DLG2: variants seen among roughly 807,000 people sequenced by gnomAD.
DLG2 encodes the protein discs large MAGUK scaffold protein 2.
DLG2 carries 45 observed loss-of-function variants against 132.5 expected under a neutral mutation model. The ratio of observed to expected loss-of-function variants is 0.34; its 90% CI spans 0.27 to 0.44. The LOEUF (loss-of-function observed/expected upper bound fraction) is 0.44, where lower values mean the gene tolerates loss of function less well. Ranked by LOEUF, DLG2 falls within the 20% of genes least tolerant of loss-of-function variation. The pLI, the probability that DLG2 is intolerant of heterozygous loss-of-function variation, is 1.00. For missense variants in DLG2, 1,045 were observed against 1,196.9 expected, an observed-to-expected ratio of 0.87 and a Z score of 1.87; for synonymous variants, 424 against 419.6, an observed-to-expected ratio of 1.01 and a Z score of -0.13.
chr11:83,499,852 GATATATATATATATATAT>G (rs60890814), intron 21 of DLG2, among the ~76,000 whole-genome samples: 3,572 of 61,690 alleles, frequency 0.058, 125 homozygotes, highest in Middle Eastern at 0.093. Context: ...ACTAATAGGA[GATATATATATATATATAT>G]ATATATATAT....
At chr11:84,069,355 C>T (rs1480610996) in intron 10 of DLG2, among the ~76,000 whole-genome samples, 1 of 152,180 alleles carries the variant, frequency 6.6e-6, no homozygotes, top group Non-Finnish European at 1.5e-5. Context: ...CCCAACCCCT[C>T]TATTTGCAGC....
chr11:85,211,026 T>C (rs547843085), intron 4 of DLG2, among the ~76,000 whole-genome samples: 1 of 152,258 alleles, frequency 6.6e-6, no homozygotes, highest in South Asian at 2.1e-4. Context: ...AATAATACAA[T>C]AAAACTTATA....
At chr11:84,264,537 G>T (rs918441181) in intron 7 of DLG2, among the ~76,000 whole-genome samples, 1 of 152,102 alleles carries the variant, frequency 6.6e-6, no homozygotes, top group Non-Finnish European at 1.5e-5. Flanking sequence ...TGAAAGAGAA[G>T]GAGCACAGGG....
chr11:85,049,333 C>T (rs528192849), intron 6 of DLG2, among the ~76,000 whole-genome samples: 3 of 152,092 alleles, frequency 2.0e-5, no homozygotes, highest in Admixed American at 6.6e-5. Flanking sequence ...CCTAAATAGA[C>T]TATTTCCGTG....
chr11:84,183,253 T>G (rs992851566), intron 8 of DLG2, among the ~76,000 whole-genome samples: 1 of 152,162 alleles, frequency 6.6e-6, no homozygotes, highest in Admixed American at 6.5e-5. Context: ...TTCTAACTCA[T>G]AAAATGTTCA....
At chr11:83,825,152 CATAT>C (rs1555012392) in intron 17 of DLG2, among the ~76,000 whole-genome samples, 54 of 80,316 alleles carry the variant, frequency 6.7e-4, no homozygotes, top group Middle Eastern at 9.1e-3. Flanking sequence ...CACACACACA[CATAT>C]ATATATATAT....
At chr11:85,075,960 G>C (rs929259692) in intron 6 of DLG2, among the ~76,000 whole-genome samples, 4 of 151,888 alleles carry the variant, frequency 2.6e-5, no homozygotes, top group Non-Finnish European at 2.9e-5. Flanking sequence ...ACAGGAACAG[G>C]AACAGCAACA....
At chr11:84,766,826 T>C (rs1042430066) in intron 6 of DLG2, among the ~76,000 whole-genome samples, 8 of 152,096 alleles carry the variant, frequency 5.3e-5, no homozygotes, top group African/African-American at 1.7e-4. Flanking sequence ...AAGATGCTTA[T>C]AGTATGGGAA....
chr11:83,483,397 G>T, intron 22 of DLG2: 2 of 888,070 alleles, frequency 2.3e-6, no homozygotes, highest in South Asian at 1.4e-5. Flanking sequence ...TACCATGACA[G>T]ACCGTGCTGC....
chr11:84,367,260 G>A (rs916777890), intron 7 of DLG2, among the ~76,000 whole-genome samples: 3 of 152,110 alleles, frequency 2.0e-5, no homozygotes, highest in African/African-American at 7.2e-5. Flanking sequence ...GGACAAAATA[G>A]TAAATATTTC....
chr11:84,855,671 T>G (rs2082692422), intron 6 of DLG2, among the ~76,000 whole-genome samples: 1 of 152,104 alleles, frequency 6.6e-6, no homozygotes, highest in African/African-American at 2.4e-5. Flanking sequence ...GAGTTAGGGC[T>G]AGGAGTTACA....
At chr11:83,963,539 A>G (rs1372985036) in intron 13 of DLG2, among the ~76,000 whole-genome samples, 1 of 151,854 alleles carries the variant, frequency 6.6e-6, no homozygotes, top group Non-Finnish European at 1.5e-5. Context: ...TTAGGTGACT[A>G]AAAACACCTC....
chr11:83,918,624 G>T (rs983768572), intron 15 of DLG2, among the ~76,000 whole-genome samples: 1 of 152,128 alleles, frequency 6.6e-6, no homozygotes, highest in African/African-American at 2.4e-5. Flanking sequence ...AGAGGAAAAG[G>T]CTCCAGTATG....
intron 3 of DLG2, among the ~76,000 whole-genome samples, chr11:85,552,866 A>T (rs573480036): frequency 2.6e-5 from 4 of 151,600 alleles, no homozygotes; most frequent in Non-Finnish European, 5.9e-5. Flanking sequence ...TGAAGAGAAA[A>T]TCGCTAAGAA....
rs2066084114 is a variant in DLG2, at chr11:85,073,026, T to C, written c.357+38635A>G. ...GTGGAATGACAAGGTATTTATTAGA[T>C]ACTAGTATTTGTATTCCATTAACTA... On this transcript the variant is annotated intron_variant, in intron 6 of 27. Coordinates refer to ENST00000376104, the MANE Select transcript of DLG2 (RefSeq NM_001142699.3). Among the ~76,000 whole-genome samples the C allele has an allele frequency of 3.3e-5, 5 of 151,894 alleles. No homozygotes were observed. The South Asian group carries it at 1.0e-3, about 31-fold the overall frequency.
At chr11:85,390,017 C>T (rs913033773) in intron 3 of DLG2, among the ~76,000 whole-genome samples, 3 of 152,094 alleles carry the variant, frequency 2.0e-5, no homozygotes, top group African/African-American at 7.2e-5. Context: ...TCCATACTAA[C>T]ACTGAATGTA....
At chr11:85,539,474 A>G (rs934765400) in intron 3 of DLG2, among the ~76,000 whole-genome samples, 3 of 152,244 alleles carry the variant, frequency 2.0e-5, no homozygotes, top group Non-Finnish European at 4.4e-5. Flanking sequence ...AGAAAGTATA[A>G]TAATAGTTTC....
At chr11:84,682,768 T>C (rs565652724) in intron 6 of DLG2, among the ~76,000 whole-genome samples, 1 of 152,292 alleles carries the variant, frequency 6.6e-6, no homozygotes, top group South Asian at 2.1e-4. Context: ...CTTTACTCAG[T>C]GACTTGGTGG....
At chr11:84,809,103 G>A (rs1184222675) in intron 6 of DLG2, among the ~76,000 whole-genome samples, 3 of 151,938 alleles carry the variant, frequency 2.0e-5, no homozygotes, top group African/African-American at 4.8e-5. Flanking sequence ...TCAAGTGGAG[G>A]TCATCCAAGC....
Sources: allele counts gnomAD v4.1 joint callset (sites outside exome capture counted in the v4.1 genomes callset), GRCh38; gene constraint gnomAD v4.1.1; transcripts MANE v1.5; gene names NCBI Gene and HGNC (gene_info 2026-07-23, HGNC 2026-07-21).